ALG12: variants seen among roughly 807,000 people sequenced by gnomAD.
ALG12 encodes dol-P-Man:Man(7)GlcNAc(2)-PP-Dol alpha-1,6-mannosyltransferase.
A neutral mutation model predicts 46.0 loss-of-function variants in ALG12; 36 were observed. The observed-to-expected ratio is 0.78, with a 90% CI of 0.60 to 1.03. The LOEUF is 1.03. Ranked by LOEUF, ALG12 falls within the 50% of genes least tolerant of loss-of-function variation. The pLI, the probability that ALG12 is intolerant of heterozygous loss-of-function variation, is 0.00. For missense variants in ALG12, 599 were observed against 633.5 expected, an observed-to-expected ratio of 0.95 and a Z score of 0.58; for synonymous variants, 326 against 291.6, an observed-to-expected ratio of 1.12 and a Z score of -1.20.
downstream of ALG12, among the ~76,000 whole-genome samples, chr22:49,896,934 C>T (rs926148449): frequency 6.6e-6 from 1 of 152,026 alleles, no homozygotes; most frequent in African/African-American, 2.4e-5. Context: ...AGCCACCACA[C>T]CTGGCCCACT....
chr22:49,890,640 C>G, the ALG12 span, among the ~76,000 whole-genome samples: 1 of 152,164 alleles, frequency 6.6e-6, no homozygotes, highest in South Asian at 2.1e-4. Flanking sequence ...GCATTGTCAT[C>G]GTGGAGAAAG....
chr22:49,875,567 C>T, the ALG12 span, among the ~76,000 whole-genome samples: 7 of 151,908 alleles, frequency 4.6e-5, no homozygotes, highest in Non-Finnish European at 8.8e-5. Flanking sequence ...GTTACAGGTG[C>T]GCACCACCAC....
At chr22:49,877,932 C>T in the ALG12 span, among the ~76,000 whole-genome samples, 1 of 152,250 alleles carries the variant, frequency 6.6e-6, no homozygotes, top group East Asian at 1.9e-4. Context: ...GCATAATGAT[C>T]CATTGTAGGG....
the ALG12 span, among the ~76,000 whole-genome samples, chr22:49,879,573 G>T: frequency 6.8e-6 from 1 of 146,612 alleles, no homozygotes; most frequent in East Asian, 2.0e-4. Flanking sequence ...TTATTGGTTG[G>T]TTTTTCTCCT....
At chr22:49,865,328 T>C in the ALG12 span, among the ~76,000 whole-genome samples, 1 of 152,060 alleles carries the variant, frequency 6.6e-6, no homozygotes, top group Non-Finnish European at 1.5e-5. Context: ...GAGGTGTTGC[T>C]GTGCAGCACG....
At chr22:49,859,349 A>T in the ALG12 span, among the ~76,000 whole-genome samples, 1 of 151,914 alleles carries the variant, frequency 6.6e-6, no homozygotes, top group Admixed American at 6.6e-5. Flanking sequence ...TATTTATTCC[A>T]TGTCATAATC....
In ALG12 at chr22:49,904,456, A is replaced by C. The variant is rs747813537; in HGVS notation, c.1043T>G (p.Val348Gly). Reference sequence around the variant, plus strand: ...GGCATTCACCACGAGGTGTCCGATCACAAGCAGAGACCCCGCTTTGTACAG... The same window carrying C: ...GGCATTCACCACGAGGTGTCCGATCCCAAGCAGAGACCCCGCTTTGTACAG... ...SWLYKAGSLL[V>G]IGHLVVNAAY... The change falls in exon 8 of 10, where the codon GTG (valine) becomes GGG (glycine). Residue 348 changes from valine to glycine, a missense_variant. Coordinates refer to ENST00000330817, the MANE Select transcript of ALG12 (RefSeq NM_024105.4). The C allele has an allele frequency of 6.2e-7, 1 of 1,614,212 alleles. No individual in the cohort carries two copies. Among genetic ancestry groups the C allele is most frequent in the Non-Finnish European group, 8.5e-7 (1 of 1,180,040 alleles).
chr22:49,890,232 A>G, the ALG12 span, among the ~76,000 whole-genome samples: 4 of 152,112 alleles, frequency 2.6e-5, no homozygotes, highest in Non-Finnish European at 5.9e-5. Flanking sequence ...ACTTGAGCCC[A>G]GGAGTTTGAG....
chr22:49,915,615 GAGAA>G (rs2060605189), intron 1 of ALG12, among the ~76,000 whole-genome samples: 1 of 152,130 alleles, frequency 6.6e-6, no homozygotes, highest in Non-Finnish European at 1.5e-5. Flanking sequence ...ATCAAACAAA[GAGAA>G]AGGTCGAAGG....
At chr22:49,885,478 C>T in the ALG12 span, 16 of 1,612,372 alleles carry the variant, frequency 9.9e-6, no homozygotes, top group East Asian at 6.7e-5. Context: ...ACATTTACAG[C>T]GGTTCCATAG....
the ALG12 span, among the ~76,000 whole-genome samples, chr22:49,877,159 G>A: frequency 2.6e-5 from 4 of 152,154 alleles, no homozygotes; most frequent in South Asian, 8.3e-4. Flanking sequence ...AGCTATTTGT[G>A]TCTTTATGTT....
chr22:49,884,345 C>G, the ALG12 span: 1 of 1,613,438 alleles, frequency 6.2e-7, no homozygotes, highest in African/African-American at 1.3e-5. Context: ...GAGTCTGTGT[C>G]TGTAGTTTCT....
Position 49,906,966 on chromosome 22 carries a change from C to G in ALG12, c.992+755G>C, listed in dbSNP as rs1352086716. Among the ~76,000 whole-genome samples, 2 of 152,086 alleles carry G rather than the reference C, an allele frequency of 1.3e-5. No individual in the cohort carries two copies. The highest frequency in any genetic ancestry group is 2.1e-4 in the South Asian group (1 of 4,830). On this transcript the variant is annotated intron_variant, in intron 7 of 9. Coordinates refer to ENST00000330817, the MANE Select transcript of ALG12 (RefSeq NM_024105.4). The surrounding 1 kb of genome is among the most constrained non-coding windows in gnomAD (Gnocchi z 4.4). Reference sequence around the variant, plus strand: ...CACCCCACCCTCAGCCCAGGCAGTGCCCTCCCCAGGCCCTGCCAGGCCCCC... The same window carrying G: ...CACCCCACCCTCAGCCCAGGCAGTGGCCTCCCCAGGCCCTGCCAGGCCCCC...
At chr22:49,884,260 A>T in the ALG12 span, 2 of 1,609,660 alleles carry the variant, frequency 1.2e-6, no homozygotes, top group African/African-American at 1.3e-5. Flanking sequence ...GGGTGACCTC[A>T]GCACCATCCT....
rs1569170891 is a variant in ALG12 at position 49,901,207 on chromosome 22, T to G, written c.*2631A>C. On this transcript the variant is annotated 3_prime_UTR_variant, in exon 10 of 10. Transcript: ENST00000330817. ...CGAGCGTGGATAACCAGTGAATACC[T>G]GAGACACACAGGTGGATGGATGGGG... 6.6e-6 allele frequency: 1 copy of G among 152,252 alleles called. No homozygotes were observed. The highest frequency in any genetic ancestry group is 1.5e-5 in the Non-Finnish European group (1 of 68,062). 9.4% of individuals were successfully genotyped at this position (152,252 alleles called of 1,614,324 possible).
rs578038511 is a variant in ALG12, at chr22:49,910,061, C to T, written c.497G>A (p.Arg166Gln). 20 of 1,611,816 alleles carry T rather than the reference C, an allele frequency of 1.2e-5. No homozygotes were observed. The highest frequency in any genetic ancestry group is 8.9e-5 in the East Asian group (4 of 44,816). ...VVLLALAAWLRHEWARFIWLS... is the reference protein window; with the variant it reads ...VVLLALAAWLQHEWARFIWLS... ...CCAGATGAAGCGGGCCCACTCGTGC[C>T]GCAGCCAGGCCGCGAGGGCCAGCAG... is the stretch of plus-strand genomic sequence containing the variant. Residue 166 changes from arginine to glutamine, a missense_variant, in exon 5 of 10, where the codon CGG becomes CAG. Coordinates refer to ENST00000330817, the MANE Select transcript of ALG12 (RefSeq NM_024105.4).
intron 1 of ALG12, among the ~76,000 whole-genome samples, chr22:49,914,497 G>A (rs2060599093): frequency 1.3e-5 from 2 of 152,246 alleles, no homozygotes; most frequent in South Asian, 2.1e-4. Context: ...AGCCTGGGAA[G>A]ACTGGCAATG....
At chr22:49,895,526 C>T (rs376277091), downstream of ALG12, among the ~76,000 whole-genome samples, 1 of 151,998 alleles carries the variant, frequency 6.6e-6, no homozygotes. Flanking sequence ...GTGGTGCGCA[C>T]CTGTGGTCCC....
Position 49,913,609 on chromosome 22 carries a change from C to G in ALG12, c.157G>C (p.Glu53Gln), listed in dbSNP as rs928567338. 6.2e-7 allele frequency: 1 copy of G among 1,614,098 alleles called. No individual in the cohort carries two copies. Among genetic ancestry groups the G allele is most frequent in the African/African-American group, 1.3e-5 (1 of 75,036 alleles). Residue 53 changes from glutamate (E) to glutamine (Q), a missense_variant, in exon 2 of 10, where the codon GAG becomes CAG. Physicochemically the swap from Glu to Gln is conservative, Grantham distance 29. Coordinates refer to ENST00000330817, the MANE Select transcript of ALG12 (RefSeq NM_024105.4). ...HDLLYHWQDL[E>Q]QYDHLEFPGV... ...AGACAGCAGGGGCCCCTCACCTGCT[C>G]CAGGTCTTGCCAGTGGTAGAGCAGG...
Sources: allele counts gnomAD v4.1 joint callset (sites outside exome capture counted in the v4.1 genomes callset), GRCh38; gene constraint gnomAD v4.1.1; non-coding constraint Gnocchi (gnomAD v3.1); transcripts MANE v1.5; gene names NCBI Gene and HGNC (gene_info 2026-07-23, HGNC 2026-07-21).